The following SH3PXD2B variants were observed in gnomAD, a reference collection of about 807,000 sequenced individuals.
SH3PXD2B encodes the protein SH3 and PX domains 2B, also known as SH3 and PX domain-containing protein 2B.
In SH3PXD2B, 37 loss-of-function variants were observed where a neutral mutation model predicts 73.1. The ratio of observed to expected loss-of-function variants is 0.51; its 90% CI spans 0.39 to 0.67. The LOEUF (loss-of-function observed/expected upper bound fraction) is 0.67, where lower values mean the gene tolerates loss of function less well. Among genes scored for constraint, SH3PXD2B ranks in the 30% least tolerant of loss-of-function variants. The pLI is 0.00. For synonymous variants in SH3PXD2B, 457 were observed against 480.5 expected, an observed-to-expected ratio of 0.95 and a Z score of 0.64; for missense variants, 1,053 against 1,197.8, an observed-to-expected ratio of 0.88 and a Z score of 1.78.
intron 1 of SH3PXD2B, among the ~76,000 whole-genome samples, chr5:172,431,888 G>A (rs934594377): frequency 6.6e-6 from 1 of 152,166 alleles, no homozygotes; most frequent in African/African-American, 2.4e-5. Flanking sequence ...TTTAGGCCGG[G>A]CGCAGTGGCT....
chr5:172,436,677 T>C (rs1311283023), intron 1 of SH3PXD2B, among the ~76,000 whole-genome samples: 2 of 152,168 alleles, frequency 1.3e-5, no homozygotes, highest in African/African-American at 4.8e-5. Flanking sequence ...CCTGTGGAGA[T>C]GAAGGGAGCA....
intron 12 of SH3PXD2B, among the ~76,000 whole-genome samples, chr5:172,327,691 G>T (rs1215602652): frequency 1.3e-5 from 2 of 151,884 alleles, no homozygotes; most frequent in African/African-American, 4.8e-5. Context: ...TGGGCTCAAG[G>T]GACCCTCCTG....
intron 4 of SH3PXD2B, among the ~76,000 whole-genome samples, chr5:172,390,130 C>T (rs1758148112): frequency 6.6e-6 from 1 of 152,204 alleles, no homozygotes; most frequent in Non-Finnish European, 1.5e-5. Flanking sequence ...GCAGCAATCA[C>T]CACAATCTAG....
At chr5:172,325,455 T>C in intron 12 of SH3PXD2B, 2 of 922,822 alleles carry the variant, frequency 2.2e-6, no homozygotes, top group Non-Finnish European at 3.3e-6. Context: ...GCCTGGGACT[T>C]TGTCTGTTTG....
Position 172,333,648 on chromosome 5 carries a change from T to C in SH3PXD2B, c.*4721A>G, listed in dbSNP as rs1317009427. On this transcript the variant is annotated 3_prime_UTR_variant, in exon 13 of 13. Transcript: ENST00000311601. ...ACATCCTATATACTCATTTATTTAA[T>C]GTGTTAAAGGAAACAAAAACCACCA... 2 of 1,289,086 alleles carry C rather than the reference T, an allele frequency of 1.6e-6. No homozygotes were observed. The highest frequency in any genetic ancestry group is 2.3e-5 in the Admixed American group (1 of 43,480). 79.9% of individuals were successfully genotyped at this position (1,289,086 alleles called of 1,614,324 possible).
At chr5:172,370,216 A>C (rs969376673) in intron 6 of SH3PXD2B, among the ~76,000 whole-genome samples, 2 of 152,178 alleles carry the variant, frequency 1.3e-5, no homozygotes, top group African/African-American at 4.8e-5. Context: ...CTTCTTGACT[A>C]TAAGTAGAAA....
downstream of SH3PXD2B, among the ~76,000 whole-genome samples, chr5:172,332,750 T>C (rs1756583863): frequency 2.0e-5 from 3 of 151,974 alleles, no homozygotes; most frequent in South Asian, 4.1e-4. Flanking sequence ...GGTGGGGTGG[T>C]GGTGTCCTGT....
downstream of SH3PXD2B, among the ~76,000 whole-genome samples, chr5:172,328,955 CATTT>C (rs978539586): frequency 1.6e-4 from 24 of 150,446 alleles, no homozygotes; most frequent in African/African-American, 3.4e-4. Flanking sequence ...TTGTACATGA[CATTT>C]ATTTATTAAT....
intron 1 of SH3PXD2B, among the ~76,000 whole-genome samples, chr5:172,448,508 A>G (rs1186246164): frequency 8.5e-5 from 13 of 152,156 alleles, no homozygotes; most frequent in Non-Finnish European, 5.9e-5. Context: ...GCTAGGTACT[A>G]TGACTATTCC....
At chr5:172,409,160 T>C (rs1337525688) in intron 2 of SH3PXD2B, among the ~76,000 whole-genome samples, 1 of 152,064 alleles carries the variant, frequency 6.6e-6, no homozygotes, top group Non-Finnish European at 1.5e-5. Context: ...GGTGGGTGGA[T>C]GGCCTGAGGT....
At chr5:172,355,548 CTT>C (rs777611778) in intron 8 of SH3PXD2B, among the ~76,000 whole-genome samples, 104 of 140,170 alleles carry the variant, frequency 7.4e-4, no homozygotes, top group South Asian at 4.3e-3. Context: ...ATTTTCTTTT[CTT>C]TTTTTTTTTT....
At chr5:172,446,286 C>A (rs537105168) in intron 1 of SH3PXD2B, among the ~76,000 whole-genome samples, 6 of 152,294 alleles carry the variant, frequency 3.9e-5, no homozygotes, top group Non-Finnish European at 5.9e-5. Context: ...GAACCCAGGC[C>A]CTGCCTGCAG....
At chr5:172,368,606 A>AAC (rs1554137046) in intron 6 of SH3PXD2B, among the ~76,000 whole-genome samples, 1 of 19,250 alleles carries the variant, frequency 5.2e-5, no homozygotes, top group African/African-American at 3.9e-4. Context: ...TTATATATAT[A>AAC]ATATATATGT....
chr5:172,373,740 G>A, intron 6 of SH3PXD2B, 50 bp downstream of exon 6: 1 of 1,579,666 alleles, frequency 6.3e-7, no homozygotes, highest in Non-Finnish European at 8.6e-7. Context: ...GTGCTCGGCT[G>A]GAGTTTGCCG....
At position 172,337,759 on chromosome 5, in the gene SH3PXD2B, C is replaced by G. The variant is rs1471132183; in HGVS notation, c.*610G>C. The G allele has an allele frequency of 4.3e-5, 43 of 995,966 alleles. No individual in the cohort carries two copies. The highest frequency in any genetic ancestry group is 5.1e-5 in the Non-Finnish European group (43 of 836,064). 61.7% of individuals were successfully genotyped at this position (995,966 alleles called of 1,614,324 possible). ...GGCTGAGCGGATCTCCAGGCCCACTCCTGGGGGAGCCGCATCCAGTGGAAC... is the reference window on the plus strand; with the variant it reads ...GGCTGAGCGGATCTCCAGGCCCACTGCTGGGGGAGCCGCATCCAGTGGAAC... On this transcript the variant is annotated 3_prime_UTR_variant, in exon 13 of 13. Transcript: ENST00000311601.
At chr5:172,384,768 T>C (rs1448250099) in intron 4 of SH3PXD2B, among the ~76,000 whole-genome samples, 1 of 152,234 alleles carries the variant, frequency 6.6e-6, no homozygotes, top group African/African-American at 2.4e-5. Flanking sequence ...GATGGACACT[T>C]GGGTTGCCAA....
chr5:172,439,240 AAAAAAAAAAAG>A (rs1397725534), intron 1 of SH3PXD2B, among the ~76,000 whole-genome samples: 95 of 100,868 alleles, frequency 9.4e-4, no homozygotes, highest in African/African-American at 3.7e-3. Flanking sequence ...AAAAAACAGA[AAAAAAAAAAAG>A]AAAAAAAAAA....
At chr5:172,438,156 G>A (rs370733278) in intron 1 of SH3PXD2B, among the ~76,000 whole-genome samples, 6 of 152,200 alleles carry the variant, frequency 3.9e-5, no homozygotes, top group Non-Finnish European at 7.4e-5. Context: ...TGCCTCTGGC[G>A]GGAACATTTC....
chr5:172,439,701 C>CAA (rs1759507220), intron 1 of SH3PXD2B, among the ~76,000 whole-genome samples: 1 of 124,210 alleles, frequency 8.1e-6, no homozygotes, highest in Non-Finnish European at 1.7e-5. Context: ...CGCACACACA[C>CAA]ACACACACAC....
Sources: allele counts gnomAD v4.1 joint callset (sites outside exome capture counted in the v4.1 genomes callset), GRCh38; gene constraint gnomAD v4.1.1; transcripts MANE v1.5; gene names NCBI Gene and HGNC (gene_info 2026-07-23, HGNC 2026-07-21).